The following RAD51B variants were observed in gnomAD, a reference collection of about 807,000 sequenced individuals.
RAD51B encodes RAD51 paralog B.
Under a neutral mutation model 42.2 loss-of-function variants are expected in RAD51B, and 38 were observed. That is an observed-to-expected ratio of 0.90 (90% CI 0.70 to 1.18). The LOEUF is 1.18. Ranked by LOEUF, RAD51B falls within the 50% of genes most tolerant of loss-of-function variation. The probability of loss-of-function intolerance (pLI) is 0.00; values close to 1 mark genes in which losing one functional copy is unlikely to be tolerated. For missense variants in RAD51B, 373 were observed against 400.7 expected (o/e 0.93, Z 0.59); for synonymous variants, 154 against 145.2 (o/e 1.06, Z -0.43).
intron 7 of RAD51B, among the ~76,000 whole-genome samples, chr14:67,923,274 AT>A (rs1336935010): frequency 7.0e-6 from 1 of 143,722 alleles, no homozygotes; most frequent in Non-Finnish European, 1.5e-5. Context: ...ATATATCACA[AT>A]TTCTTTCTTT....
chr14:68,321,878 G>A (rs2082163453), intron 8 of RAD51B, among the ~76,000 whole-genome samples: 1 of 152,014 alleles, frequency 6.6e-6, no homozygotes, highest in Non-Finnish European at 1.5e-5. Flanking sequence ...AGCCTCCTGA[G>A]TAGCTGGGAC....
chr14:68,552,626 C>G lies in RAD51B; in HGVS notation c.1037-41859C>G, dbSNP rs1047762645. Among the ~76,000 whole-genome samples, 4 of 152,264 alleles carry G rather than the reference C, an allele frequency of 2.6e-5. 1 individual carries two copies. The East Asian group carries it at 7.7e-4, about 29-fold the overall frequency. ...AGGAGAAGCAGAAAAATGCAATAAT[C>G]ATAGTATTTTTTTAAAAATAAATTA... On this transcript the variant is annotated intron_variant, in intron 10 of 10. Coordinates refer to the RAD51B transcript ENST00000487270.
At chr14:68,113,520 C>G (rs1358317913) in intron 7 of RAD51B, among the ~76,000 whole-genome samples, 2 of 152,118 alleles carry the variant, frequency 1.3e-5, no homozygotes, top group Non-Finnish European at 2.9e-5. Flanking sequence ...CCTACAAATT[C>G]TCTTGGGAAT....
At chr14:68,572,017 G>A (rs186603218) in intron 10 of RAD51B, among the ~76,000 whole-genome samples, 102 of 152,318 alleles carry the variant, frequency 6.7e-4, no homozygotes, top group African/African-American at 2.4e-3. Context: ...CAAAACTACA[G>A]CACATGCCAT....
At chr14:68,508,716 G>A (rs1331164697) in intron 10 of RAD51B, among the ~76,000 whole-genome samples, 2 of 152,216 alleles carry the variant, frequency 1.3e-5, no homozygotes, top group African/African-American at 4.8e-5. Flanking sequence ...CAGTTTACCT[G>A]CCAGTCTCAT....
chr14:68,228,279 C>T (rs1566743301), intron 7 of RAD51B, among the ~76,000 whole-genome samples: 1 of 152,040 alleles, frequency 6.6e-6, no homozygotes, highest in Non-Finnish European at 1.5e-5. Flanking sequence ...TTCGGCCTTA[C>T]TAGTATGATT....
At chr14:68,614,293 A>C (rs1444156447), downstream of RAD51B, among the ~76,000 whole-genome samples, 1 of 152,230 alleles carries the variant, frequency 6.6e-6, no homozygotes, top group Admixed American at 6.5e-5. Context: ...TCTCTCATTA[A>C]GCCTTTATCC....
Position 68,421,297 on chromosome 14 carries a change from G to T in RAD51B, c.957+9770G>T, listed in dbSNP as rs955754087. Among the ~76,000 whole-genome samples the T allele has an allele frequency of 2.0e-5, 3 of 152,056 alleles. No homozygotes were observed. The South Asian group carries it at 6.2e-4, about 32-fold the overall frequency. ...CGTCTTCTGGCTGCTGTTGCTGGGGGAGTATCCCTGCTGTGAGATGCTACG... is the reference window on the plus strand; with the variant it reads ...CGTCTTCTGGCTGCTGTTGCTGGGGTAGTATCCCTGCTGTGAGATGCTACG... On this transcript the variant is annotated intron_variant, in intron 9 of 10. Transcript: ENST00000471583.
intron 7 of RAD51B, among the ~76,000 whole-genome samples, chr14:68,022,630 C>A (rs2075885430): frequency 6.6e-6 from 1 of 151,722 alleles, no homozygotes; most frequent in African/African-American, 2.4e-5. Flanking sequence ...TGTTTGTTGG[C>A]TGCTTGTCTC....
chr14:67,834,888 T>C (rs568310963), intron 3 of RAD51B, among the ~76,000 whole-genome samples, 192 bp from the exon 4 acceptor site: 1 of 152,302 alleles, frequency 6.6e-6, no homozygotes, highest in African/African-American at 2.4e-5. Context: ...CGTCTCTCTC[T>C]TTCTGTTATG....
chr14:68,221,240 C>A (rs1474312795), intron 7 of RAD51B, among the ~76,000 whole-genome samples: 2 of 152,086 alleles, frequency 1.3e-5, no homozygotes, highest in African/African-American at 4.8e-5. Context: ...TGAGTCAAAG[C>A]AATACTAAGC....
At chr14:68,574,701 C>T (rs1347440186) in intron 10 of RAD51B, among the ~76,000 whole-genome samples, 1 of 152,210 alleles carries the variant, frequency 6.6e-6, no homozygotes, top group East Asian at 1.9e-4. Context: ...CAGATCCTTG[C>T]AGTAGCAGGT....
At chr14:68,306,715 T>C in intron 8 of RAD51B, 1 of 484,184 alleles carries the variant, frequency 2.1e-6, no homozygotes. Flanking sequence ...TGAAAACACA[T>C]GAGTTAGTAA....
At chr14:68,376,984 G>A (rs2083383366) in intron 8 of RAD51B, among the ~76,000 whole-genome samples, 1 of 152,182 alleles carries the variant, frequency 6.6e-6, no homozygotes, top group South Asian at 2.1e-4. Context: ...GGAAATTGCA[G>A]AGTAAAAGTC....
intron 10 of RAD51B, among the ~76,000 whole-genome samples, chr14:68,501,595 C>T (rs915479950): frequency 2.6e-5 from 4 of 152,142 alleles, no homozygotes; most frequent in Non-Finnish European, 2.9e-5. Context: ...AGGCTGGAGC[C>T]GGAAGTAGGC....
At chr14:68,038,931 A>G (rs1042010024) in intron 7 of RAD51B, among the ~76,000 whole-genome samples, 1 of 152,164 alleles carries the variant, frequency 6.6e-6, no homozygotes, top group Non-Finnish European at 1.5e-5. Context: ...TATTGGAAAT[A>G]CTATATAATG....
At chr14:68,012,742 T>G (rs1270081996) in intron 7 of RAD51B, among the ~76,000 whole-genome samples, 1 of 152,184 alleles carries the variant, frequency 6.6e-6, no homozygotes, top group Non-Finnish European at 1.5e-5. Context: ...TTTGTGGTGC[T>G]TCTTACACAT....
At chr14:68,676,030 T>A (rs116504670) in intron 11 of RAD51B, among the ~76,000 whole-genome samples, 2,242 of 152,292 alleles carry the variant, frequency 0.015, 38 homozygotes, top group African/African-American at 0.05. Context: ...TGAATAATAA[T>A]ACCTACTATC....
intron 7 of RAD51B, among the ~76,000 whole-genome samples, chr14:68,259,309 G>T (rs959921279): frequency 2.0e-5 from 3 of 151,204 alleles, no homozygotes; most frequent in Non-Finnish European, 4.4e-5. Context: ...TGTGGGGTAG[G>T]GGGAGGGGGG....
Sources: gnomAD v4.1 joint callset for allele counts (sites outside exome capture counted in the v4.1 genomes callset) on GRCh38, gnomAD v4.1.1 for gene constraint, MANE v1.5 for transcripts, NCBI Gene and HGNC (gene_info 2026-07-23, HGNC 2026-07-21) for gene names.